The following BET1 variants were observed in gnomAD, a reference collection of about 807,000 sequenced individuals.
BET1 encodes the protein Bet1 golgi vesicular membrane trafficking protein, also known as BET1 homolog.
A neutral mutation model predicts 13.9 loss-of-function variants in BET1; 9 were observed. That is an observed-to-expected ratio of 0.65 (90% CI 0.39 to 1.13). The LOEUF (loss-of-function observed/expected upper bound fraction) is 1.13, where lower values mean the gene tolerates loss of function less well. Among genes scored for constraint, BET1 ranks in the 50% most tolerant of loss-of-function variants. BET1 has a pLI of 0.01. For synonymous variants in BET1, 39 were observed against 47.3 expected (o/e 0.82, Z 0.72); for missense variants, 127 against 133.6 (o/e 0.95, Z 0.24).
At chr7:93,972,276 G>T (rs995318697) in intron 6 of BET1, 33 of 151,858 alleles carry the variant, frequency 2.2e-4, no homozygotes, top group African/African-American at 8.0e-4. Context: ...AAACCAATAT[G>T]CATGAAATGC....
chr7:93,992,559 A>G, downstream of BET1: 3 of 985,414 alleles, frequency 3.0e-6, no homozygotes, highest in South Asian at 1.4e-4. Context: ...AGTACAGTTA[A>G]AAACTTCTTG....
At chr7:94,003,575 T>A (rs1795963166) in intron 1 of BET1, among the ~76,000 whole-genome samples, 1 of 152,222 alleles carries the variant, frequency 6.6e-6, no homozygotes, top group South Asian at 2.1e-4. Context: ...TTCTTGCTGA[T>A]GAGCCAGTTT....
At chr7:94,002,169 C>G (rs891624465) in intron 1 of BET1, among the ~76,000 whole-genome samples, 2 of 152,238 alleles carry the variant, frequency 1.3e-5, no homozygotes, top group Admixed American at 6.5e-5. Flanking sequence ...TCATCCTCAG[C>G]CTTTGTTTAT....
intron 5 of BET1, among the ~76,000 whole-genome samples, chr7:93,975,330 C>T (rs1795319591): frequency 6.6e-6 from 1 of 151,954 alleles, no homozygotes; most frequent in African/African-American, 2.4e-5. Context: ...AATGTTCTTA[C>T]AAAACAAGAA....
intron 6 of BET1, among the ~76,000 whole-genome samples, chr7:93,971,679 T>C (rs1266529271): frequency 6.6e-6 from 1 of 151,720 alleles, no homozygotes; most frequent in African/African-American, 2.4e-5. Context: ...AGGATAATAA[T>C]TAATAAAGCC....
At chr7:93,974,112 A>G (rs1332670817) in intron 5 of BET1, among the ~76,000 whole-genome samples, 1 of 152,000 alleles carries the variant, frequency 6.6e-6, no homozygotes, top group East Asian at 1.9e-4. Flanking sequence ...TCTATAATAG[A>G]AAAGTTATAT....
In BET1 at chr7:94,004,345, AC is replaced by A. The variant is rs1434533436; in HGVS notation, c.-130del. 3 of 1,297,342 alleles carry A rather than the reference AC, an allele frequency of 2.3e-6. No individual in the cohort carries two copies. Among genetic ancestry groups the A allele is most frequent in the African/African-American group, 2.9e-5 (2 of 68,430 alleles). The allele number at this position is 1,297,342 out of a possible 1,614,324, so 80.4% of individuals were successfully genotyped here. On this transcript the variant is annotated 5_prime_UTR_variant, in exon 1 of 4. An upstream open reading frame in the 5' UTR loses its in-frame stop. Coordinates refer to ENST00000222547, the MANE Select transcript of BET1 (RefSeq NM_005868.6). ...CACCAACTTCTTCCCCTAAAGCGCCACGACATCAGTGGAGTCTAAACACCGC... is the reference window on the plus strand; with the variant it reads ...CACCAACTTCTTCCCCTAAAGCGCCAGACATCAGTGGAGTCTAAACACCGC...
In BET1 at chr7:93,996,316, G is replaced by A. The variant is rs1795770419; in HGVS notation, c.150C>T (p.Ser50=). 1.3e-6 allele frequency: 2 copies of A among 1,571,218 alleles called. No homozygotes were observed. The highest frequency in any genetic ancestry group is 2.8e-5 in the African/African-American group (2 of 72,596). The change falls in exon 3 of 4, where the codon TCC becomes TCT. Residue 50 remains serine (S), a synonymous_variant. Transcript: ENST00000222547. Reference sequence around the variant, plus strand: ...TTTTAACTTCATGGCCTATTTCAATGGAAAGCTATAAAGAAGAAGGTATAC... The same window carrying A: ...TTTTAACTTCATGGCCTATTTCAATAGAAAGCTATAAAGAAGAAGGTATAC... ...RSKVTAIKSL[S]IEIGHEVKTQ... is the part of the protein sequence containing the mutation.
rs1209759098 is a variant in BET1, at chr7:93,994,020, G to A, written c.*210C>T. 3 of 1,497,284 alleles carry A rather than the reference G, an allele frequency of 2.0e-6. No homozygotes were observed. Among genetic ancestry groups the A allele is most frequent in the African/African-American group, 1.4e-5 (1 of 71,518 alleles). 92.7% of individuals were successfully genotyped at this position (1,497,284 alleles called of 1,614,324 possible). ...GGAGCCACACCCTCTCACTACCCCT[G>A]AAAATAGGGGCTAAAATGAGTCATT... On this transcript the variant is annotated 3_prime_UTR_variant, in exon 4 of 4. Transcript: ENST00000222547.
chr7:93,966,301 T>G (rs1293325826), intron 6 of BET1, among the ~76,000 whole-genome samples: 1 of 152,044 alleles, frequency 6.6e-6, no homozygotes, highest in Non-Finnish European at 1.5e-5. Flanking sequence ...TATTTAAAAT[T>G]TAAAACAATG....
At chr7:93,975,549 C>T (rs1335847036) in intron 5 of BET1, among the ~76,000 whole-genome samples, 1 of 151,886 alleles carries the variant, frequency 6.6e-6, no homozygotes, top group Non-Finnish European at 1.5e-5. Context: ...ATTAACAAAT[C>T]GTGTTTTAAT....
At chr7:93,987,518 T>G (rs764710196) in intron 4 of BET1, among the ~76,000 whole-genome samples, 3 of 152,122 alleles carry the variant, frequency 2.0e-5, no homozygotes, top group Non-Finnish European at 4.4e-5. Context: ...GGGTCATAGA[T>G]TATCCCCTCT....
chr7:93,982,083 G>A (rs1285702058), intron 4 of BET1, among the ~76,000 whole-genome samples: 4 of 151,932 alleles, frequency 2.6e-5, no homozygotes, highest in Admixed American at 2.0e-4. Flanking sequence ...TTGTAGTGAT[G>A]AATGTAAACA....
At chr7:93,976,608 C>T (rs944567776) in intron 4 of BET1, among the ~76,000 whole-genome samples, 4 of 152,190 alleles carry the variant, frequency 2.6e-5, no homozygotes, top group African/African-American at 9.6e-5. Flanking sequence ...CATTACAGTG[C>T]TGCTTTTTTG....
downstream of BET1, chr7:93,991,749 G>A: frequency 1.1e-6 from 1 of 933,232 alleles, no homozygotes; most frequent in Non-Finnish European, 1.3e-6. Flanking sequence ...ATAGCCTTTG[G>A]TCTTAGCCAC....
chr7:93,977,112 T>C (rs1795349232), intron 4 of BET1, among the ~76,000 whole-genome samples: 1 of 150,980 alleles, frequency 6.6e-6, no homozygotes, highest in Non-Finnish European at 1.5e-5. Flanking sequence ...TCCTTGTTAG[T>C]CAGTCATAAT....
At chr7:93,987,450 A>G (rs1795548594) in intron 4 of BET1, among the ~76,000 whole-genome samples, 1 of 152,166 alleles carries the variant, frequency 6.6e-6, no homozygotes, top group African/African-American at 2.4e-5. Flanking sequence ...TCCAATGGCT[A>G]TCTTGAATTA....
intron 3 of BET1, 113 bp from the exon 4 acceptor site, chr7:93,994,498 T>C: frequency 3.3e-6 from 4 of 1,194,990 alleles, no homozygotes; most frequent in Non-Finnish European, 4.5e-6. Context: ...GACAGTTTTG[T>C]GTTTAATCAA....
intron 5 of BET1, among the ~76,000 whole-genome samples, chr7:93,974,649 T>C (rs1562800568): frequency 2.0e-5 from 3 of 152,084 alleles, no homozygotes; most frequent in East Asian, 1.9e-4. Flanking sequence ...TACATAAATG[T>C]AGGAGAAGAG....
Sources: allele counts gnomAD v4.1 joint callset (sites outside exome capture counted in the v4.1 genomes callset), GRCh38; gene constraint gnomAD v4.1.1; transcripts MANE v1.5; gene names NCBI Gene and HGNC (gene_info 2026-07-23, HGNC 2026-07-21).